CAPN2: variants seen among roughly 807,000 people sequenced by gnomAD.
The protein encoded by CAPN2 is calpain-2 catalytic subunit.
Under a neutral mutation model 102.3 loss-of-function variants are expected in CAPN2, and 92 were observed. The ratio of observed to expected loss-of-function variants is 0.90; its 90% CI spans 0.76 to 1.07. CAPN2 has a LOEUF of 1.07. Ranked by LOEUF, CAPN2 falls within the 50% of genes least tolerant of loss-of-function variation. The pLI is 0.00. For synonymous variants in CAPN2, 340 were observed against 355.4 expected (o/e 0.96, Z 0.49); for missense variants, 800 against 909.4 (o/e 0.88, Z 1.55).
chr1:223,711,423 T>C (rs1475183492), upstream of CAPN2, among the ~76,000 whole-genome samples: 2 of 152,216 alleles, frequency 1.3e-5, no homozygotes, highest in Non-Finnish European at 2.9e-5. Context: ...TCTCTCCCTA[T>C]AGTAACCCAA....
At chr1:223,769,803 T>G (rs769886290) in intron 16 of CAPN2, 38 bp from the exon 17 acceptor site, 189 of 1,538,056 alleles carry the variant, frequency 1.2e-4, no homozygotes, top group Non-Finnish European at 1.7e-4. Flanking sequence ...TATGTGCAAA[T>G]GGACCCACAC....
chr1:223,721,119 T>C (rs1308463874), intron 2 of CAPN2, among the ~76,000 whole-genome samples: 3 of 152,170 alleles, frequency 2.0e-5, no homozygotes, highest in Non-Finnish European at 4.4e-5. Context: ...TTCACCAAAG[T>C]CATTTAAACC....
chr1:223,742,516 A>ATTT (rs1220500436), intron 2 of CAPN2, among the ~76,000 whole-genome samples: 2 of 113,896 alleles, frequency 1.8e-5, no homozygotes, highest in Admixed American at 9.4e-5. Context: ...ATATATATAT[A>ATTT]TATTTTTTTT....
At chr1:223,709,944 A>G (rs1375424896), upstream of CAPN2, among the ~76,000 whole-genome samples, 1 of 152,200 alleles carries the variant, frequency 6.6e-6, no homozygotes, top group African/African-American at 2.4e-5. Flanking sequence ...ATACATTGCT[A>G]CAGTTATATA....
chr1:223,761,207 G>A (rs767026216), intron 12 of CAPN2, among the ~76,000 whole-genome samples: 29 of 152,342 alleles, frequency 1.9e-4, no homozygotes, highest in Middle Eastern at 3.4e-3. Flanking sequence ...CACGCTACAC[G>A]CGAAGGCTAT....
chr1:223,737,485 C>T (rs1238698553), intron 2 of CAPN2, among the ~76,000 whole-genome samples: 3 of 152,136 alleles, frequency 2.0e-5, no homozygotes, highest in Admixed American at 6.5e-5. Flanking sequence ...CCGTCTGTCC[C>T]ATGGATGAGC....
chr1:223,767,399 C>T (rs1661365935), intron 16 of CAPN2, among the ~76,000 whole-genome samples: 1 of 132,546 alleles, frequency 7.5e-6, no homozygotes, highest in Non-Finnish European at 1.5e-5. Flanking sequence ...TCCATGTGTT[C>T]TCATTGTTCA....
In CAPN2 at chr1:223,759,116, C is replaced by A; in HGVS notation, c.1318-154C>A. 2.9e-6 allele frequency: 2 copies of A among 692,314 alleles called. No homozygotes were observed. Among genetic ancestry groups the A allele is most frequent in the South Asian group, 1.7e-5 (1 of 60,096 alleles). The allele number at this position is 692,314 out of a possible 1,614,324, so 42.9% of individuals were successfully genotyped here. On this transcript the variant is annotated intron_variant, in intron 11 of 20. Coordinates refer to ENST00000295006, the MANE Select transcript of CAPN2 (RefSeq NM_001748.5). The surrounding 1 kb of genome is among the most constrained non-coding windows in gnomAD (Gnocchi z 4.6). The stretch of plus-strand genomic sequence containing the variant: ...ATGAGGGCTTCCTGTGTTGCCCAGG[C>A]TGGTTTCTGACGCCTGGCCTCGCCT...
Position 223,761,571 on chromosome 1 carries a change from C to T in CAPN2, c.1530-10C>T, listed in dbSNP as rs748937141. 5 of 1,611,534 alleles carry T rather than the reference C, an allele frequency of 3.1e-6. No individual in the cohort carries two copies. The highest frequency in any genetic ancestry group is 2.2e-5 in the South Asian group (2 of 90,804). Reference sequence around the variant, plus strand: ...CCTTCCAGTAACACATAATTTCCTTCTATTTCCAGAGCTGTCGATGATGAA... The same window carrying T: ...CCTTCCAGTAACACATAATTTCCTTTTATTTCCAGAGCTGTCGATGATGAA... On this transcript the variant is annotated splice_polypyrimidine_tract_variant and intron_variant, in intron 12 of 20. Coordinates refer to ENST00000295006, the MANE Select transcript of CAPN2 (RefSeq NM_001748.5).
Position 223,717,892 on chromosome 1 carries a change from A to T in CAPN2, c.307+61A>T, listed in dbSNP as rs892601911. 9.4e-6 allele frequency: 12 copies of T among 1,275,592 alleles called. No homozygotes were observed. The African/African-American group carries it at 1.4e-4, about 15-fold the overall frequency. The allele number at this position is 1,275,592 out of a possible 1,614,324, so 79.0% of individuals were successfully genotyped here. A position where few individuals can be genotyped will look rare whatever the true frequency, so the allele number is the denominator to read the frequency against. ...GTCTGTAAGGCTGTGGGTGGAAGAG[A>T]TGAGGGACAACCTGTGGCTTCTCTC... On this transcript the variant is annotated intron_variant, in intron 2 of 20. Coordinates refer to ENST00000295006, the MANE Select transcript of CAPN2 (RefSeq NM_001748.5).
At chr1:223,713,968 C>A (rs1171328647) in intron 1 of CAPN2, among the ~76,000 whole-genome samples, 1 of 152,204 alleles carries the variant, frequency 6.6e-6, no homozygotes, top group Non-Finnish European at 1.5e-5. Flanking sequence ...TAGGCCCTGC[C>A]GTCATGGCCT....
intron 2 of CAPN2, among the ~76,000 whole-genome samples, chr1:223,736,261 G>A (rs1041818767): frequency 5.4e-4 from 82 of 152,296 alleles, no homozygotes; most frequent in African/African-American, 2.0e-3. Flanking sequence ...TCAGGGGCTG[G>A]GCTGGAGGAG....
intron 16 of CAPN2, 128 bp from the exon 17 acceptor site, chr1:223,769,713 A>G: frequency 1.4e-6 from 1 of 728,046 alleles, no homozygotes; most frequent in Non-Finnish European, 2.4e-6. Context: ...AAAGCAGGAA[A>G]AGGATCCTTC....
At chr1:223,703,141 C>T (rs1469285177) in intron 1 of CAPN2, among the ~76,000 whole-genome samples, 1 of 152,152 alleles carries the variant, frequency 6.6e-6, no homozygotes, top group Non-Finnish European at 1.5e-5. Context: ...TTCCCAAAAG[C>T]AGTTTTGCAT....
chr1:223,742,565 G>A (rs1224103170), intron 2 of CAPN2, among the ~76,000 whole-genome samples: 3 of 140,266 alleles, frequency 2.1e-5, no homozygotes, highest in Non-Finnish European at 4.5e-5. Flanking sequence ...CTGTCACCCA[G>A]GCTGAGTGCA....
chr1:223,772,570 A>G (rs1300010918), intron 20 of CAPN2: 2 of 272,362 alleles, frequency 7.3e-6, no homozygotes, highest in Admixed American at 9.8e-5. Context: ...GAACATGTTT[A>G]TATAAAGAAA....
chr1:223,712,133 T>A (rs1008362298), upstream of CAPN2, among the ~76,000 whole-genome samples: 4 of 152,206 alleles, frequency 2.6e-5, no homozygotes, highest in African/African-American at 4.8e-5. Flanking sequence ...TGAGATGATG[T>A]ATGCAGAGCC....
At position 223,761,728 on chromosome 1, in the gene CAPN2, G is replaced by C. The variant is rs150197807; in HGVS notation, c.1566+111G>C. On this transcript the variant is annotated intron_variant, in intron 13 of 20. Transcript: ENST00000295006. Reference sequence around the variant, plus strand: ...CTTCACGAACAAAGCCTGAAACTAAGGATAAAGCCGGGTACTGGGAATCCA... The same window carrying C: ...CTTCACGAACAAAGCCTGAAACTAACGATAAAGCCGGGTACTGGGAATCCA... 641 of 869,500 alleles carry C rather than the reference G, an allele frequency of 7.4e-4. 4 individuals carry two copies. Among genetic ancestry groups the C allele is most frequent in the African/African-American group, 6.6e-3 (395 of 59,690 alleles). 53.9% of individuals were successfully genotyped at this position (869,500 alleles called of 1,614,324 possible).
chr1:223,752,801 C>T lies in CAPN2; in HGVS notation c.980C>T (p.Ser327Phe), dbSNP rs1437560748. The T allele has an allele frequency of 1.2e-6, 2 of 1,614,082 alleles. No individual in the cohort carries two copies. The highest frequency in any genetic ancestry group is 8.5e-7 in the Non-Finnish European group (1 of 1,179,980). The change falls in exon 9 of 21, where the codon TCT becomes TTT. Residue 327 changes from serine to phenylalanine, a missense_variant. Physicochemically the swap from Ser to Phe is radical, Grantham distance 155. Coordinates refer to ENST00000295006, the MANE Select transcript of CAPN2 (RefSeq NM_001748.5). ...RRHEDGEFWM[S>F]FSDFLRHYSR... ...ATTGTCTCTGCTTTTGCCAGGATGT[C>T]TTTCAGTGACTTCCTGAGGCACTAT...
Sources: allele counts gnomAD v4.1 joint callset (sites outside exome capture counted in the v4.1 genomes callset), GRCh38; gene constraint gnomAD v4.1.1; non-coding constraint Gnocchi (gnomAD v3.1); transcripts MANE v1.5; gene names NCBI Gene and HGNC (gene_info 2026-07-23, HGNC 2026-07-21).